RYR2: variants seen among roughly 807,000 people sequenced by gnomAD.
RYR2 encodes cardiac muscle ryanodine receptor-calcium release channel.
A neutral mutation model predicts 601.1 loss-of-function variants in RYR2; 227 were observed. The observed-to-expected ratio is 0.38, with a 90% CI of 0.34 to 0.42. The LOEUF (loss-of-function observed/expected upper bound fraction) is 0.42. RYR2 is among the 10% of genes least tolerant of loss of function. The pLI is 1.00. For synonymous variants in RYR2, 2,223 were observed against 2,175.1 expected (o/e 1.02, Z -0.61); for missense variants, 4,646 against 6,156.5 (o/e 0.75, Z 8.21).
chr1:237,684,295 A>AACAC (rs375131708), intron 62 of RYR2, among the ~76,000 whole-genome samples: 22 of 151,536 alleles, frequency 1.5e-4, no homozygotes, highest in Non-Finnish European at 3.1e-4. Context: ...CCTGAAGATA[A>AACAC]ACACACACAC....
intron 1 of RYR2, among the ~76,000 whole-genome samples, chr1:237,228,851 C>G (rs746402968): frequency 2.4e-4 from 36 of 152,144 alleles, no homozygotes; most frequent in Non-Finnish European, 1.5e-5. Flanking sequence ...TCTTCCTTTT[C>G]ATGGTTTTTG....
chr1:237,789,579 ATAGTTCTAT>A (rs1375905326), intron 92 of RYR2, among the ~76,000 whole-genome samples: 4 of 152,114 alleles, frequency 2.6e-5, no homozygotes, highest in African/African-American at 9.7e-5. Flanking sequence ...GGCTGCAGGT[ATAGTTCTAT>A]TATAGGTGGT....
rs1191522774 is a variant in RYR2 at position 237,520,279 on chromosome 1, GT to G, written c.2822+8491del. Among the ~76,000 whole-genome samples, 3 of 152,168 alleles carry G rather than the reference GT, an allele frequency of 2.0e-5. No individual in the cohort carries two copies. The East Asian group carries it at 5.8e-4, about 29-fold the overall frequency. Reference sequence around the variant, plus strand: ...GGATAATTAGACTTCATTTTTTCCAGTTTAGATGCCATTTATTTCTTTCCAT... The same window carrying G: ...GGATAATTAGACTTCATTTTTTCCAGTTAGATGCCATTTATTTCTTTCCAT... On this transcript the variant is annotated intron_variant, in intron 24 of 104. Transcript: ENST00000366574.
intron 1 of RYR2, among the ~76,000 whole-genome samples, chr1:237,260,613 G>A (rs956645095): frequency 6.6e-6 from 1 of 152,104 alleles, no homozygotes; most frequent in Non-Finnish European, 1.5e-5. Flanking sequence ...TGGGCAGATC[G>A]CTTAAGTCCA....
intron 1 of RYR2, among the ~76,000 whole-genome samples, chr1:237,071,733 T>C (rs1558182883): frequency 6.6e-6 from 1 of 152,220 alleles, no homozygotes; most frequent in African/African-American, 2.4e-5. Flanking sequence ...CCTAGGAACC[T>C]GTTTGCCCCC....
At chr1:237,793,580 T>C (rs1010301846) in intron 94 of RYR2, among the ~76,000 whole-genome samples, 12 of 152,234 alleles carry the variant, frequency 7.9e-5, no homozygotes, top group African/African-American at 2.7e-4. Context: ...TAATCATCTT[T>C]TCATCTTTGA....
At chr1:237,709,358 A>G (rs2149068950) in intron 69 of RYR2, 122 bp from the exon 70 acceptor site, 1 of 734,300 alleles carries the variant, frequency 1.4e-6, no homozygotes, top group Non-Finnish European at 2.3e-6. Context: ...ATATTACAAC[A>G]CTGTGCTGAA....
chr1:237,635,120 A>C, intron 44 of RYR2, 128 bp downstream of exon 44: 1 of 621,330 alleles, frequency 1.6e-6, no homozygotes, highest in Non-Finnish European at 2.7e-6. Flanking sequence ...TATGGCCAAA[A>C]CCGCAATTAA....
In RYR2 at chr1:237,773,640, T is replaced by C; in HGVS notation, c.11767T>C (p.Tyr3923His). Reference sequence around the variant, plus strand: ...ACAAGTCTTTAACACTCTTACAGAGTATATTCAGGTAAACATTTAAACATG... The same window carrying C: ...ACAAGTCTTTAACACTCTTACAGAGCATATTCAGGTAAACATTTAAACATG... ...AKQVFNTLTE[Y>H]IQGPCTGNQQ... The change falls in exon 87 of 105, where the codon TAT becomes CAT. Residue 3923 changes from tyrosine to histidine, a missense_variant. Transcript: ENST00000366574. 6.2e-7 allele frequency: 1 copy of C among 1,610,976 alleles called. No homozygotes were observed. The highest frequency in any genetic ancestry group is 8.5e-7 in the Non-Finnish European group (1 of 1,178,108).
chr1:237,197,054 ATGTTCTGTT>A (rs1680653424), intron 1 of RYR2, among the ~76,000 whole-genome samples: 2 of 152,120 alleles, frequency 1.3e-5, no homozygotes, highest in South Asian at 4.1e-4. Context: ...AAAAACATAT[ATGTTCTGTT>A]TGTTCCTGAA....
intron 92 of RYR2, 70 bp downstream of exon 92, chr1:237,788,205 G>A (rs1189686115): frequency 2.3e-6 from 3 of 1,294,898 alleles, no homozygotes; most frequent in East Asian, 2.4e-5. Context: ...CTCAGTAAAT[G>A]TTTGCTGACC....
chr1:237,370,979 G>C lies in RYR2; in HGVS notation c.384+1371G>C, dbSNP rs560643422. 5.3e-4 allele frequency among the ~76,000 whole-genome samples: 80 copies of C among 151,148 alleles called. 1 individual carries two copies. In the Middle Eastern group the frequency reaches 0.01, roughly 20 times the overall value. On this transcript the variant is annotated intron_variant, in intron 6 of 104. Transcript: ENST00000366574. ...CCGGCCTCATTCCATTCTTATAAGA[G>C]CTTTATTAAATTATAAAAGCAATAC... is the stretch of plus-strand genomic sequence containing the variant.
At chr1:237,330,220 G>A (rs1696571460) in intron 2 of RYR2, among the ~76,000 whole-genome samples, 1 of 152,172 alleles carries the variant, frequency 6.6e-6, no homozygotes, top group African/African-American at 2.4e-5. Flanking sequence ...TAACTTCTCT[G>A]TTTATCCTGT....
chr1:237,108,124 T>C (rs1056911918), intron 1 of RYR2, among the ~76,000 whole-genome samples: 1 of 152,186 alleles, frequency 6.6e-6, no homozygotes, highest in African/African-American at 2.4e-5. Context: ...GAATATTCTT[T>C]AGGGTAGCAT....
chr1:237,587,839 T>C (rs945861399), intron 29 of RYR2, among the ~76,000 whole-genome samples: 3 of 152,136 alleles, frequency 2.0e-5, no homozygotes, highest in African/African-American at 7.2e-5. Context: ...TCCAATAACT[T>C]TCCATGTAGG....
Position 237,791,378 on chromosome 1 carries a change from G to A in RYR2, c.13477-51G>A, listed in dbSNP as rs141533141. ...AATGCTTTATTTAAATTGACTGCAG[G>A]TTTCAAGCCTGTTGATTCAGTGACC... On this transcript the variant is annotated intron_variant, in intron 92 of 104. Transcript: ENST00000366574. 19 of 919,502 alleles carry A rather than the reference G, an allele frequency of 2.1e-5. 1 individual carries two copies. In the South Asian group the frequency reaches 2.2e-4, roughly 11 times the overall value. 57.0% of individuals were successfully genotyped at this position (919,502 alleles called of 1,614,324 possible).
intron 63 of RYR2, among the ~76,000 whole-genome samples, chr1:237,690,655 A>C (rs541895484): frequency 1.4e-3 from 209 of 152,244 alleles, no homozygotes; most frequent in Non-Finnish European, 2.4e-3. Flanking sequence ...TGAGCTCGGG[A>C]GTTCAAGACC....
intron 2 of RYR2, among the ~76,000 whole-genome samples, chr1:237,276,026 T>A (rs1215088660): frequency 6.6e-6 from 1 of 152,232 alleles, no homozygotes; most frequent in East Asian, 1.9e-4. Context: ...ACATGTGATG[T>A]TTTAGAATGC....
intron 1 of RYR2, among the ~76,000 whole-genome samples, chr1:237,172,103 C>A (rs1677471232): frequency 6.6e-6 from 1 of 152,206 alleles, no homozygotes. Context: ...TCCATTCTTA[C>A]TAGCACTATC....
Sources: allele counts gnomAD v4.1 joint callset (sites outside exome capture counted in the v4.1 genomes callset), GRCh38; gene constraint gnomAD v4.1.1; transcripts MANE v1.5; gene names NCBI Gene and HGNC (gene_info 2026-07-23, HGNC 2026-07-21).